The following MTOR variants were observed in gnomAD, a reference collection of about 807,000 sequenced individuals.
The protein encoded by MTOR is serine/threonine-protein kinase mTOR.
Under a neutral mutation model 319.8 loss-of-function variants are expected in MTOR, and 70 were observed. That is an observed-to-expected ratio of 0.22 (90% CI 0.18 to 0.27). The LOEUF is 0.27. Ranked by LOEUF, MTOR falls within the 10% of genes least tolerant of loss-of-function variation. The pLI is 1.00. For synonymous variants in MTOR, 1,183 were observed against 1,211.4 expected (o/e 0.98, Z 0.49); for missense variants, 1,890 against 3,274.4 (o/e 0.58, Z 10.32).
Position 11,212,347 on chromosome 1 carries a change from T to A in MTOR, c.3526A>T (p.Thr1176Ser). Residue 1176 changes from threonine (T) to serine (S), a missense_variant, in exon 23 of 58, where the codon ACG becomes TCG. Thr to Ser is a moderately conservative substitution (Grantham distance 58). Coordinates refer to ENST00000361445, the MANE Select transcript of MTOR (RefSeq NM_004958.4). This position sits in a 1 kb window ranked among gnomAD's most constrained non-coding sequence, Gnocchi z 4.1. ...SPELRSTAMD[T>S]LSSLVFQLGK... ...AGCTGAAAAACAAGTGAAGACAGCGTGTCCATGGCTGTGGAGCGCAGTTCT... is the reference window on the plus strand; with the variant it reads ...AGCTGAAAAACAAGTGAAGACAGCGAGTCCATGGCTGTGGAGCGCAGTTCT... 1.9e-6 allele frequency: 3 copies of A among 1,614,096 alleles called. No homozygotes were observed. The highest frequency in any genetic ancestry group is 2.5e-6 in the Non-Finnish European group (3 of 1,179,972).
chr1:11,201,500 C>T (rs1645967584), intron 26 of MTOR, among the ~76,000 whole-genome samples: 1 of 152,228 alleles, frequency 6.6e-6, no homozygotes, highest in Non-Finnish European at 1.5e-5. Flanking sequence ...AAACCAGCTG[C>T]TGACAAAAAT....
At chr1:11,215,290 C>T (rs1184404789) in intron 20 of MTOR, among the ~76,000 whole-genome samples, 1 of 152,190 alleles carries the variant, frequency 6.6e-6, no homozygotes, top group Non-Finnish European at 1.5e-5. Context: ...CTGCCTAAAT[C>T]CTCCTTGTAC....
intron 13 of MTOR, among the ~76,000 whole-genome samples, chr1:11,234,813 G>C (rs1388751350): frequency 6.6e-6 from 1 of 151,902 alleles, no homozygotes; most frequent in African/African-American, 2.4e-5. Flanking sequence ...AGGATCCCCC[G>C]AAGCCTTACT....
intron 19 of MTOR, among the ~76,000 whole-genome samples, chr1:11,222,513 A>G (rs1384822114): frequency 6.6e-6 from 1 of 152,066 alleles, no homozygotes; most frequent in African/African-American, 2.4e-5. Context: ...AATGTTTTAA[A>G]TAAAATGAGA....
Position 11,210,770 on chromosome 1 carries a change from T to TCTTCTTGATCTTCTTTCTG in MTOR, c.3654+43_3654+44insCAGAAAGAAGATCAAGAAG, listed in dbSNP as rs1315381914. 2.1e-6 allele frequency: 3 copies of TCTTCTTGATCTTCTTTCTG among 1,404,330 alleles called. No homozygotes were observed. The African/African-American group carries it at 4.3e-5, about 20-fold the overall frequency. The allele number at this position is 1,404,330 out of a possible 1,614,324, so 87.0% of individuals were successfully genotyped here. On this transcript the variant is annotated intron_variant, in intron 24 of 57. Transcript: ENST00000361445. ...CCAAGATTACAAGAATATCAAGTAG[T>TCTTCTTGATCTTCTTTCTG]AAAGACAACAGGGACTTCAGAACAG...
intron 45 of MTOR, 76 bp downstream of exon 45, chr1:11,126,934 G>T: frequency 6.3e-7 from 1 of 1,589,574 alleles, no homozygotes. Context: ...TGGAATGAGT[G>T]TTAGAACATT....
chr1:11,142,103 C>CA (rs796259292), intron 34 of MTOR, among the ~76,000 whole-genome samples: 8 of 152,224 alleles, frequency 5.3e-5, no homozygotes, highest in African/African-American at 1.9e-4. Context: ...TATAGAGAGT[C>CA]AGGTTGGGGA....
In MTOR at chr1:11,109,640, T is replaced by A; in HGVS notation, c.7447+9A>T. 4 of 1,613,766 alleles carry A rather than the reference T, an allele frequency of 2.5e-6. No individual in the cohort carries two copies. The highest frequency in any genetic ancestry group is 3.4e-6 in the Non-Finnish European group (4 of 1,179,630). ...GTCACTGGTGCGGTTCCTCAGAGGC[T>A]GAACTTACTGAAAGAATGAATAGAT... On this transcript the variant is annotated intron_variant, in intron 55 of 57. Coordinates refer to ENST00000361445, the MANE Select transcript of MTOR (RefSeq NM_004958.4). This position sits in a 1 kb window ranked among gnomAD's most constrained non-coding sequence, Gnocchi z 4.0.
intron 28 of MTOR, among the ~76,000 whole-genome samples, chr1:11,178,968 T>C (rs1275715085): frequency 2.0e-5 from 3 of 152,208 alleles, no homozygotes; most frequent in Non-Finnish European, 1.5e-5. Context: ...TTCCACTCTA[T>C]TAAGGAGTTG....
rs1396580275 is a variant in MTOR, at chr1:11,230,961, C to T, written c.2743G>A (p.Val915Ile). The change falls in exon 18 of 58, where the codon GTC becomes ATC. Residue 915 changes from valine (V) to isoleucine (I), a missense_variant. Physicochemically the swap from Val to Ile is conservative, Grantham distance 29 (BLOSUM62 3). Coordinates refer to ENST00000361445, the MANE Select transcript of MTOR (RefSeq NM_004958.4). ...MIDQSRDASA[V>I]SLSESKSSQD... ...CTTGACTTGGATTCTGACAGGCTGACAGCAGAGGCATCCCGGGACTGGTCT... is the reference window on the plus strand; with the variant it reads ...CTTGACTTGGATTCTGACAGGCTGATAGCAGAGGCATCCCGGGACTGGTCT... 2 of 1,614,102 alleles carry T rather than the reference C, an allele frequency of 1.2e-6. No homozygotes were observed. The highest frequency in any genetic ancestry group is 1.3e-5 in the African/African-American group (1 of 75,042).
chr1:11,202,470 T>G (rs1044693504), intron 26 of MTOR, among the ~76,000 whole-genome samples: 18 of 151,590 alleles, frequency 1.2e-4, no homozygotes, highest in Admixed American at 9.2e-4. Flanking sequence ...ATATTTTTTT[T>G]GGCGGGGTTG....
intron 38 of MTOR, chr1:11,132,127 A>C (rs1381439434): frequency 6.6e-6 from 1 of 152,212 alleles, no homozygotes; most frequent in Non-Finnish European, 1.5e-5. Context: ...AAAGCTTTTA[A>C]AAACTAAAAC....
chr1:11,184,168 A>G (rs542013382), intron 28 of MTOR, among the ~76,000 whole-genome samples: 1 of 152,246 alleles, frequency 6.6e-6, no homozygotes, highest in South Asian at 2.1e-4. Context: ...TTTAATTCTC[A>G]TGAAAAGCCT....
chr1:11,157,030 C>T (rs1644341024), intron 30 of MTOR, 122 bp downstream of exon 30: 1 of 1,248,950 alleles, frequency 8.0e-7, no homozygotes, highest in African/African-American at 1.5e-5. Context: ...TGAGAAGTAT[C>T]AAGTGGAACA....
intron 3 of MTOR, among the ~76,000 whole-genome samples, chr1:11,257,498 G>A (rs1215363948): frequency 1.1e-4 from 17 of 149,630 alleles, no homozygotes; most frequent in Non-Finnish European, 4.4e-5. Flanking sequence ...GGGAGGCAGA[G>A]GTTGCAGTAA....
rs373199680 is a variant in MTOR at position 11,146,831 on chromosome 1, G to A, written c.4571-40C>T. The A allele has an allele frequency of 3.6e-5, 52 of 1,459,126 alleles. 2 individuals are homozygous for A. The Middle Eastern group carries it at 4.2e-3, about 117-fold the overall frequency. 90.4% of individuals were successfully genotyped at this position (1,459,126 alleles called of 1,614,324 possible). A position where few individuals can be genotyped will look rare whatever the true frequency, so the allele number is the denominator to read the frequency against. ...ATAGACAGAAAGCATCAAGGGGGTT[G>A]GCTGGTTGGGCTAAAGGCAGCATCT... On this transcript the variant is annotated intron_variant, in intron 31 of 57. Coordinates refer to ENST00000361445, the MANE Select transcript of MTOR (RefSeq NM_004958.4).
In MTOR at chr1:11,128,781, A is replaced by T; in HGVS notation, c.5811+74T>A. The T allele has an allele frequency of 7.6e-7, 1 of 1,311,108 alleles. No individual in the cohort carries two copies. Among genetic ancestry groups the T allele is most frequent in the Non-Finnish European group, 1.1e-6 (1 of 915,664 alleles). 81.2% of individuals were successfully genotyped at this position (1,311,108 alleles called of 1,614,324 possible). ...CACACACTGCCTTGTGACACTGAAC[A>T]CAGCATGCTTGTAAGAGGAGACACA... On this transcript the variant is annotated intron_variant, in intron 41 of 57. Coordinates refer to ENST00000361445, the MANE Select transcript of MTOR (RefSeq NM_004958.4). This position sits in a 1 kb window ranked among gnomAD's most constrained non-coding sequence, Gnocchi z 5.3.
intron 9 of MTOR, among the ~76,000 whole-genome samples, chr1:11,242,528 A>C (rs961836360): frequency 2.7e-5 from 4 of 150,920 alleles, no homozygotes; most frequent in Non-Finnish European, 4.4e-5. Flanking sequence ...AAAAAAAAGA[A>C]TGAGTGGGGC....
At chr1:11,139,136 ACT>A in intron 36 of MTOR, 166 bp downstream of exon 36, 1 of 833,928 alleles carries the variant, frequency 1.2e-6, no homozygotes, top group Non-Finnish European at 1.9e-6. Flanking sequence ...ACTATGATTC[ACT>A]CTATGAAATC....
Sources: gnomAD v4.1 joint callset for allele counts (sites outside exome capture counted in the v4.1 genomes callset) on GRCh38, gnomAD v4.1.1 for gene constraint, Gnocchi (gnomAD v3.1) non-coding constraint, MANE v1.5 for transcripts, NCBI Gene and HGNC (gene_info 2026-07-23, HGNC 2026-07-21) for gene names.